The following TEX9 variants were observed in gnomAD, a reference collection of about 807,000 sequenced individuals.
TEX9 encodes the protein testis-expressed protein 9.
Under a neutral mutation model 59.6 loss-of-function variants are expected in TEX9, and 74 were observed. That is an observed-to-expected ratio of 1.24 (90% CI 1.03 to 1.51). TEX9 has a LOEUF of 1.51. TEX9 is among the 40% of genes most tolerant of loss of function. TEX9 has a pLI of 0.00. For missense variants in TEX9, 522 were observed against 447.8 expected, an observed-to-expected ratio of 1.17 and a Z score of -1.49; for synonymous variants, 186 against 152.2, an observed-to-expected ratio of 1.22 and a Z score of -1.64.
chr15:56,253,094 G>T (rs1230937383), intron 1 of TEX9, among the ~76,000 whole-genome samples: 3 of 152,018 alleles, frequency 2.0e-5, no homozygotes, highest in African/African-American at 7.2e-5. Flanking sequence ...GTTTTTACAT[G>T]CCACTACTTT....
upstream of TEX9, chr15:56,365,352 T>G: frequency 4.8e-6 from 7 of 1,461,492 alleles, no homozygotes; most frequent in East Asian, 2.4e-5. Context: ...AACCTGAGAG[T>G]GGGAAGGCGT....
chr15:56,339,402 A>AAAAC (rs1283921641), intron 1 of TEX9, among the ~76,000 whole-genome samples: 13 of 79,586 alleles, frequency 1.6e-4, no homozygotes, highest in African/African-American at 3.6e-4. Context: ...AAAAAAAAAA[A>AAAAC]AAAAAAAAAA....
chr15:56,427,704 C>A, exon 11 of TEX9: 2 of 1,504,750 alleles, frequency 1.3e-6, no homozygotes, highest in East Asian at 2.5e-5. Flanking sequence ...GTTCAAGAAA[C>A]AGTTAAAATT....
At chr15:56,377,982 G>C (rs1469821059) in intron 3 of TEX9, among the ~76,000 whole-genome samples, 1 of 152,106 alleles carries the variant, frequency 6.6e-6, no homozygotes, top group Admixed American at 6.6e-5. Flanking sequence ...ATGATCATAT[G>C]GTTTTTGTCC....
At chr15:56,429,130 G>A in intron 12 of TEX9, 3 of 1,600,228 alleles carry the variant, frequency 1.9e-6, no homozygotes, top group Non-Finnish European at 2.6e-6. Flanking sequence ...TCACTCCTTT[G>A]TTGATATACT....
At chr15:56,423,927 C>T (rs1430242695) in intron 10 of TEX9, among the ~76,000 whole-genome samples, 1 of 152,116 alleles carries the variant, frequency 6.6e-6, no homozygotes, top group East Asian at 1.9e-4. Context: ...ACCCTTCCCC[C>T]ACAAGTCCCT....
intron 12 of TEX9, among the ~76,000 whole-genome samples, chr15:56,435,966 A>G (rs2050717549): frequency 6.6e-6 from 1 of 152,084 alleles, no homozygotes; most frequent in African/African-American, 2.4e-5. Context: ...TGTTTATTAC[A>G]GGGATGCAAG....
At chr15:56,324,332 T>A (rs1254840461) in intron 1 of TEX9, among the ~76,000 whole-genome samples, 1 of 152,162 alleles carries the variant, frequency 6.6e-6, no homozygotes, top group Non-Finnish European at 1.5e-5. Context: ...TCATTACAAG[T>A]CTATACTTTA....
At chr15:56,361,967 T>C (rs1476180704), upstream of TEX9, among the ~76,000 whole-genome samples, 3 of 149,024 alleles carry the variant, frequency 2.0e-5, no homozygotes, top group Non-Finnish European at 4.4e-5. Flanking sequence ...CATGAGACAA[T>C]AAATTTCTGT....
intron 1 of TEX9, among the ~76,000 whole-genome samples, chr15:56,319,178 A>G (rs758299579): frequency 6.6e-6 from 1 of 152,044 alleles, no homozygotes; most frequent in Non-Finnish European, 1.5e-5. Flanking sequence ...TTCTTAGGTC[A>G]TAAGGCAGGA....
chr15:56,340,750 C>T (rs1357664754), intron 1 of TEX9, among the ~76,000 whole-genome samples: 3 of 152,178 alleles, frequency 2.0e-5, no homozygotes, highest in African/African-American at 7.2e-5. Flanking sequence ...TCAGACCTGC[C>T]TCTCCTTTAT....
intron 1 of TEX9, among the ~76,000 whole-genome samples, chr15:56,357,244 T>A (rs1266917310): frequency 6.6e-6 from 1 of 152,172 alleles, no homozygotes; most frequent in Non-Finnish European, 1.5e-5. Flanking sequence ...TAATGGGGCT[T>A]ATCATCATCA....
chr15:56,368,318 T>G (rs2047037490), intron 2 of TEX9, among the ~76,000 whole-genome samples: 1 of 152,158 alleles, frequency 6.6e-6, no homozygotes, highest in Non-Finnish European at 1.5e-5. Context: ...CTGCTAGATT[T>G]GATTGCTATA....
chr15:56,397,332 T>G (rs1213034460), intron 9 of TEX9: 2 of 154,044 alleles, frequency 1.3e-5, no homozygotes, highest in African/African-American at 4.8e-5. Flanking sequence ...AGCAAAGCAC[T>G]CAAGAGGTGA....
At chr15:56,454,336 T>C in the TEX9 span, among the ~76,000 whole-genome samples, 3 of 149,878 alleles carry the variant, frequency 2.0e-5, no homozygotes, top group Non-Finnish European at 4.4e-5. Context: ...CCCTCAAGCA[T>C]TTATCATTTG....
At chr15:56,417,866 C>T (rs2049773977) in intron 10 of TEX9, among the ~76,000 whole-genome samples, 1 of 151,874 alleles carries the variant, frequency 6.6e-6, no homozygotes, top group Non-Finnish European at 1.5e-5. Context: ...CTGGGTGCTT[C>T]TGTGTTGTGT....
intron 1 of TEX9, among the ~76,000 whole-genome samples, chr15:56,309,065 A>T (rs548284527): frequency 9.6e-4 from 146 of 152,324 alleles, no homozygotes; most frequent in Non-Finnish European, 1.6e-3. Flanking sequence ...TGATAAGCTT[A>T]TCAATCTACA....
At chr15:56,358,381 G>A (rs560518782) in intron 1 of TEX9, among the ~76,000 whole-genome samples, 67 of 150,548 alleles carry the variant, frequency 4.5e-4, no homozygotes, top group African/African-American at 1.5e-3. Flanking sequence ...TGCAGTGGAA[G>A]GGTGTCCCAG....
chr15:56,292,389 T>C (rs1364762818), intron 1 of TEX9, among the ~76,000 whole-genome samples: 1 of 152,094 alleles, frequency 6.6e-6, no homozygotes, highest in Non-Finnish European at 1.5e-5. Flanking sequence ...TATTGATATA[T>C]ATGAGGGAAG....
Sources: allele counts gnomAD v4.1 joint callset (sites outside exome capture counted in the v4.1 genomes callset), GRCh38; gene constraint gnomAD v4.1.1; transcripts MANE v1.5; gene names NCBI Gene and HGNC (gene_info 2026-07-23, HGNC 2026-07-21).